The following EFCAB8 variants were observed in gnomAD, a reference collection of about 807,000 sequenced individuals.
The protein encoded by EFCAB8 is EF-hand calcium binding domain 8, also known as EF-hand calcium-binding domain-containing protein 8.
A neutral mutation model predicts 116.3 loss-of-function variants in EFCAB8; 100 were observed. The ratio of observed to expected loss-of-function variants is 0.86; its 90% CI spans 0.73 to 1.02. The LOEUF (loss-of-function observed/expected upper bound fraction) is 1.02. Among genes scored for constraint, EFCAB8 ranks in the 50% least tolerant of loss-of-function variants. EFCAB8 has a pLI of 0.00. For missense variants in EFCAB8, 1,320 were observed against 1,416.9 expected, an observed-to-expected ratio of 0.93 and a Z score of 1.10; for synonymous variants, 558 against 567.9, an observed-to-expected ratio of 0.98 and a Z score of 0.25.
intron 7 of EFCAB8, among the ~76,000 whole-genome samples, 173 bp downstream of exon 7, chr20:32,889,579 C>T (rs969258268): frequency 1.3e-5 from 2 of 152,078 alleles, no homozygotes; most frequent in Non-Finnish European, 2.9e-5. Flanking sequence ...GGTGAATGCT[C>T]GAATGAATAC....
intron 5 of EFCAB8, among the ~76,000 whole-genome samples, chr20:32,879,342 G>A (rs1369929955): frequency 6.6e-6 from 1 of 152,182 alleles, no homozygotes; most frequent in African/African-American, 2.4e-5. Context: ...TGGAGCTGGT[G>A]GCACCACCCT....
intron 22 of EFCAB8, among the ~76,000 whole-genome samples, chr20:32,942,565 G>T (rs2146290606): frequency 6.6e-6 from 1 of 151,322 alleles, no homozygotes; most frequent in South Asian, 2.1e-4. Context: ...TTAACTGATT[G>T]TCTATCATAT....
intron 17 of EFCAB8, chr20:32,917,007 C>CT (rs1987217522): frequency 3.4e-6 from 1 of 294,546 alleles, no homozygotes; most frequent in African/African-American, 2.3e-5. Context: ...GCCACAATGT[C>CT]CCCCCCCCTT....
chr20:32,882,362 A>G (rs997939630), intron 5 of EFCAB8, among the ~76,000 whole-genome samples: 3 of 152,188 alleles, frequency 2.0e-5, no homozygotes, highest in Non-Finnish European at 4.4e-5. Context: ...ATAGCTGTTC[A>G]CGGCACACTG....
At chr20:32,893,446 C>T (rs1202676378) in intron 9 of EFCAB8, 148 bp downstream of exon 9, 22 of 1,226,360 alleles carry the variant, frequency 1.8e-5, no homozygotes, top group East Asian at 5.2e-5. Context: ...GGGTGCATGC[C>T]GCTCAGCTCA....
intron 1 of EFCAB8, among the ~76,000 whole-genome samples, chr20:32,860,313 CAAAA>C (rs150743879): frequency 2.0e-5 from 3 of 148,514 alleles, no homozygotes; most frequent in East Asian, 2.0e-4. Flanking sequence ...AAAATAAAAG[CAAAA>C]AAAAACCCAG....
At chr20:32,943,288 A>G (rs1378905316) in intron 22 of EFCAB8, among the ~76,000 whole-genome samples, 1 of 152,208 alleles carries the variant, frequency 6.6e-6, no homozygotes, top group Non-Finnish European at 1.5e-5. Flanking sequence ...TATACTTCTT[A>G]TAAGGTTGTG....
At chr20:32,887,169 G>A (rs13042128) in intron 6 of EFCAB8, among the ~76,000 whole-genome samples, 11 of 152,188 alleles carry the variant, frequency 7.2e-5, no homozygotes, top group Admixed American at 3.3e-4. Flanking sequence ...TATCCCTTCT[G>A]ATTATCCATC....
intron 11 of EFCAB8, among the ~76,000 whole-genome samples, chr20:32,905,637 G>C (rs539878099): frequency 6.6e-6 from 1 of 152,028 alleles, no homozygotes; most frequent in East Asian, 1.9e-4. Context: ...GTGTGTACCT[G>C]TAATCCCAGC....
chr20:32,900,078 G>A (rs992227220), intron 11 of EFCAB8, among the ~76,000 whole-genome samples: 1 of 152,096 alleles, frequency 6.6e-6, no homozygotes, highest in Non-Finnish European at 1.5e-5. Context: ...GAGTCTTTTT[G>A]GGGGAACAGC....
chr20:32,918,128 G>A (rs902998739), intron 18 of EFCAB8, among the ~76,000 whole-genome samples: 1 of 152,264 alleles, frequency 6.6e-6, no homozygotes, highest in African/African-American at 2.4e-5. Context: ...TTACAGATGA[G>A]AAGACTTGAG....
At chr20:32,896,392 C>A in intron 9 of EFCAB8, 62 bp from the exon 10 acceptor site, 1 of 707,270 alleles carries the variant, frequency 1.4e-6, no homozygotes, top group East Asian at 2.7e-5. Flanking sequence ...TCTTCTGAGG[C>A]TTTGCTTGCC....
Position 32,898,566 on chromosome 20 carries a change from T to C in EFCAB8, c.1031T>C (p.Ile344Thr), listed in dbSNP as rs981618834. The C allele has an allele frequency of 1.4e-6, 1 of 718,476 alleles. No homozygotes were observed. The highest frequency in any genetic ancestry group is 1.7e-5 in the African/African-American group (1 of 57,208). The allele number at this position is 718,476 out of a possible 1,614,324, so 44.5% of individuals were successfully genotyped here. ...QMNVVVSCSAIEKSSLVLTIL... is the reference protein window; with the variant it reads ...QMNVVVSCSATEKSSLVLTIL... The stretch of plus-strand genomic sequence containing the variant: ...AATGTGGTAGTCTCCTGTTCAGCCA[T>C]CGAGAAGTCCTCTCTGGTGCTGACA... Residue 344 changes from isoleucine (I) to threonine (T), a missense_variant, in exon 11 of 27, where the codon ATC (isoleucine) becomes ACC (threonine). Coordinates refer to ENST00000400522, the MANE Select transcript of EFCAB8 (RefSeq NM_001143967.2).
intron 11 of EFCAB8, among the ~76,000 whole-genome samples, chr20:32,900,406 G>C (rs1986368776): frequency 6.6e-6 from 1 of 152,054 alleles, no homozygotes; most frequent in Non-Finnish European, 1.5e-5. Flanking sequence ...GTGTCACCAG[G>C]CTGGAGTGCA....
rs57106662 is a variant in EFCAB8 at position 32,907,109 on chromosome 20, G to T, written c.1308+115G>T. On this transcript the variant is annotated intron_variant, in intron 13 of 26. Coordinates refer to ENST00000400522, the MANE Select transcript of EFCAB8 (RefSeq NM_001143967.2). ...ACATCTGGCCAAAGGCCTAGCAGGA[G>T]GGGCCCCGGGTGGGAGGAAGGTGAG... 9.1e-6 allele frequency: 13 copies of T among 1,424,638 alleles called. No homozygotes were observed. The Admixed American group carries it at 2.4e-4, about 27-fold the overall frequency. The allele number at this position is 1,424,638 out of a possible 1,614,324, so 88.2% of individuals were successfully genotyped here. A position where few individuals can be genotyped will look rare whatever the true frequency, so the allele number is the denominator to read the frequency against.
chr20:32,859,085 G>T lies in EFCAB8; in HGVS notation c.-11+79G>T, dbSNP rs75463208. On this transcript the variant is annotated intron_variant, in intron 1 of 26. Coordinates refer to ENST00000400522, the MANE Select transcript of EFCAB8 (RefSeq NM_001143967.2). Reference sequence around the variant, plus strand: ...TGAAGACCTCTGCCTGACCTCCAAGGCTGGAGAGCAGCTCTTATCTGTGTC... The same window carrying T: ...TGAAGACCTCTGCCTGACCTCCAAGTCTGGAGAGCAGCTCTTATCTGTGTC... The T allele has an allele frequency of 2.1e-3, 1,008 of 469,690 alleles. 20 individuals carry two copies. In the East Asian group the frequency reaches 0.061, roughly 28 times the overall value. 29.1% of individuals were successfully genotyped at this position (469,690 alleles called of 1,614,324 possible). A position where few individuals can be genotyped will look rare whatever the true frequency, so the allele number is the denominator to read the frequency against.
At chr20:32,918,662 G>C in intron 19 of EFCAB8, 88 bp downstream of exon 19, 1 of 1,359,932 alleles carries the variant, frequency 7.4e-7, no homozygotes, top group East Asian at 2.5e-5. Context: ...TTCTTATTGG[G>C]ATGTACTTTT....
chr20:32,961,754 T>C lies in EFCAB8; in HGVS notation c.*145T>C. 4.3e-6 allele frequency: 2 copies of C among 460,360 alleles called. No individual in the cohort carries two copies. Among genetic ancestry groups the C allele is most frequent in the Non-Finnish European group, 7.2e-6 (2 of 277,534 alleles). 28.5% of individuals were successfully genotyped at this position (460,360 alleles called of 1,614,324 possible). ...CTGGGCCTCTCTGGGGAAGTTCACCTGTCTCCTAATCTTGTCTTCTCTCTG... is the reference window on the plus strand; with the variant it reads ...CTGGGCCTCTCTGGGGAAGTTCACCCGTCTCCTAATCTTGTCTTCTCTCTG... On this transcript the variant is annotated 3_prime_UTR_variant, in exon 27 of 27. Coordinates refer to ENST00000400522, the MANE Select transcript of EFCAB8 (RefSeq NM_001143967.2).
At chr20:32,878,304 T>G (rs543778613) in intron 4 of EFCAB8, among the ~76,000 whole-genome samples, 2 of 150,082 alleles carry the variant, frequency 1.3e-5, no homozygotes, top group African/African-American at 4.9e-5. Flanking sequence ...TGGCTCATGG[T>G]TATAATCCCA....
Sources: gnomAD v4.1 joint callset for allele counts (sites outside exome capture counted in the v4.1 genomes callset) on GRCh38, gnomAD v4.1.1 for gene constraint, MANE v1.5 for transcripts, NCBI Gene and HGNC (gene_info 2026-07-23, HGNC 2026-07-21) for gene names.